The following OR5D3 variants were observed in gnomAD, a reference collection of about 807,000 sequenced individuals.
OR5D3 encodes the protein olfactory receptor 5D3.
the OR5D3 span, chr11:55,723,977 C>A: frequency 2.5e-6 from 1 of 397,812 alleles, no homozygotes; most frequent in Non-Finnish European, 4.4e-6. Context: ...AAGTGCTAAG[C>A]GGGAGCATTA....
the OR5D3 span, chr11:55,726,166 C>A: frequency 2.5e-6 from 1 of 398,136 alleles, no homozygotes; most frequent in African/African-American, 2.1e-5. Context: ...TCTTATTGCA[C>A]ATATTGGCTT....
At chr11:55,724,957 A>C in the OR5D3 span, among the ~76,000 whole-genome samples, 3 of 152,002 alleles carry the variant, frequency 2.0e-5, no homozygotes, top group Non-Finnish European at 4.4e-5. Context: ...AGAATGGGGA[A>C]AATATAGTTA....
chr11:55,725,945 T>C, the OR5D3 span, among the ~76,000 whole-genome samples: 2 of 152,200 alleles, frequency 1.3e-5, no homozygotes, highest in South Asian at 2.1e-4. Flanking sequence ...TGCTGTCTTA[T>C]TATCTGAAAT....
chr11:55,729,508 A>G, the OR5D3 span: 330 of 152,122 alleles, frequency 2.2e-3, 3 homozygotes, highest in African/African-American at 7.8e-3. Context: ...TTTTATGTAA[A>G]TGTCAACTTT....
At chr11:55,726,127 A>G in the OR5D3 span, 1 of 397,146 alleles carries the variant, frequency 2.5e-6, no homozygotes, top group Non-Finnish European at 4.4e-6. Context: ...AAGACCCACT[A>G]AGTCTCTCAA....
the OR5D3 span, among the ~76,000 whole-genome samples, chr11:55,725,827 G>A: frequency 1.3e-5 from 2 of 152,036 alleles, no homozygotes; most frequent in Non-Finnish European, 2.9e-5. Context: ...CAAAGCTTTA[G>A]AGGTACAGCA....
chr11:55,729,525 A>T, the OR5D3 span: 1 of 152,144 alleles, frequency 6.6e-6, no homozygotes, highest in Non-Finnish European at 1.5e-5. Context: ...CTTTCATATT[A>T]TGTTGACTAA....
the OR5D3 span, chr11:55,729,081 C>A: frequency 5.5e-4 from 83 of 151,498 alleles, no homozygotes; most frequent in African/African-American, 1.9e-3. Context: ...AAATAAAAAT[C>A]AAAGAAAAAA....
chr11:55,726,892 A>T, the OR5D3 span: 95 of 399,216 alleles, frequency 2.4e-4, no homozygotes, highest in East Asian at 3.3e-3. Flanking sequence ...CACTGTCATG[A>T]AGATGCCTTC....
chr11:55,729,248 T>G, the OR5D3 span: 1 of 152,000 alleles, frequency 6.6e-6, no homozygotes, highest in Non-Finnish European at 1.5e-5. Context: ...ATAAATACAT[T>G]TTAGATAATG....
At chr11:55,726,153 G>A in the OR5D3 span, 30 of 397,852 alleles carry the variant, frequency 7.5e-5, no homozygotes, top group Non-Finnish European at 1.3e-4. Flanking sequence ...CTTCCTTTCT[G>A]TTTCTTATTG....
the OR5D3 span, chr11:55,729,617 G>A: frequency 1.4e-4 from 21 of 152,078 alleles, no homozygotes; most frequent in Admixed American, 3.3e-4. Context: ...TTGCTTACGT[G>A]AGTGGTTTTT....
At chr11:55,728,896 T>A in the OR5D3 span, 2 of 152,028 alleles carry the variant, frequency 1.3e-5, no homozygotes, top group Non-Finnish European at 2.9e-5. Context: ...TGTGCATATG[T>A]GTATAGTTTA....
the OR5D3 span, among the ~76,000 whole-genome samples, chr11:55,725,798 A>T: frequency 3.3e-5 from 5 of 152,056 alleles, no homozygotes; most frequent in African/African-American, 1.2e-4. Flanking sequence ...ATTTGTTAAG[A>T]GTTGTAAGTT....
At chr11:55,728,730 T>A in the OR5D3 span, 1 of 152,022 alleles carries the variant, frequency 6.6e-6, no homozygotes, top group Non-Finnish European at 1.5e-5. Context: ...CCAACTTACA[T>A]GTCTATGCAA....
the OR5D3 span, chr11:55,729,465 G>T: frequency 4.0e-5 from 6 of 151,754 alleles, no homozygotes; most frequent in Non-Finnish European, 8.8e-5. Context: ...ACTTCTTAGT[G>T]GATTAACAAC....
At chr11:55,728,393 A>C in the OR5D3 span, 2 of 152,122 alleles carry the variant, frequency 1.3e-5, no homozygotes, top group African/African-American at 4.8e-5. Flanking sequence ...AAACATTTAC[A>C]TCTTTAAACA....
At chr11:55,726,425 T>C in the OR5D3 span, 1 of 473,292 alleles carries the variant, frequency 2.1e-6, no homozygotes. Flanking sequence ...TTTGTTGATT[T>C]CTGTTATTCC....
At chr11:55,727,603 G>A in the OR5D3 span, 1 of 151,980 alleles carries the variant, frequency 6.6e-6, no homozygotes, top group African/African-American at 2.4e-5. Flanking sequence ...AAGATTTACA[G>A]ACAAACAAAA....
Sources: gnomAD v4.1 joint callset for allele counts (sites outside exome capture counted in the v4.1 genomes callset) on GRCh38, gnomAD v4.1.1 for gene constraint, MANE v1.5 for transcripts, NCBI Gene and HGNC (gene_info 2026-07-23, HGNC 2026-07-21) for gene names.